SPG11: variants seen among roughly 807,000 people sequenced by gnomAD.
SPG11 encodes the protein SPG11 vesicle trafficking associated, spatacsin.
In SPG11, 222 loss-of-function variants were observed where a neutral mutation model predicts 274.0. That is an observed-to-expected ratio of 0.81 (90% confidence interval 0.73 to 0.91). The LOEUF is 0.91. Among genes scored for constraint, SPG11 ranks in the 40% least tolerant of loss-of-function variants. The pLI, the probability that SPG11 is intolerant of heterozygous loss-of-function variation, is 0.00. For missense variants in SPG11, 3,114 were observed against 2,872.7 expected (o/e 1.08, Z -1.92); for synonymous variants, 1,144 against 1,039.7 (o/e 1.10, Z -1.93).
rs960231699 is a variant in SPG11 at position 44,607,686 on chromosome 15, C to T, written c.3453+758G>A. 1.5e-4 allele frequency among the ~76,000 whole-genome samples: 23 copies of T among 152,104 alleles called. No homozygotes were observed. In the South Asian group the frequency reaches 2.5e-3, roughly 16 times the overall value. On this transcript the variant is annotated intron_variant, in intron 19 of 39. Transcript: ENST00000261866. ...ATGGGCAAAGGAAGGTGTTCTTAAC[C>T]GAGGATCCCTGAATAGGCTTCAGGA...
chr15:44,636,827 G>T (rs1194221477), intron 7 of SPG11, among the ~76,000 whole-genome samples: 3 of 149,522 alleles, frequency 2.0e-5, no homozygotes, highest in African/African-American at 7.4e-5. Context: ...TTGGGAGGCT[G>T]AGAGAGGAGA....
At position 44,585,807 on chromosome 15, in the gene SPG11, C is replaced by T. The variant is rs764587462; in HGVS notation, c.4950G>A (p.Lys1650=). Residue 1650 remains lysine, a synonymous_variant, in exon 29 of 40, where the codon AAG becomes AAA. Coordinates refer to ENST00000261866, the MANE Select transcript of SPG11 (RefSeq NM_025137.4). ...KKLCILCQIL[K]DTSIAINHTI... ...TATGATTAATGGCTATGGATGTATCCTTCAAAATCTGGCAAAGGATGCAAA... is the reference window on the plus strand; with the variant it reads ...TATGATTAATGGCTATGGATGTATCTTTCAAAATCTGGCAAAGGATGCAAA... The T allele has an allele frequency of 1.9e-6, 3 of 1,613,822 alleles. No individual in the cohort carries two copies. Among genetic ancestry groups the T allele is most frequent in the Non-Finnish European group, 2.5e-6 (3 of 1,179,956 alleles).
intron 1 of SPG11, 59 bp from the exon 2 acceptor site, chr15:44,660,675 TGG>T: frequency 6.6e-7 from 1 of 1,517,440 alleles, no homozygotes; most frequent in Non-Finnish European, 9.1e-7. Flanking sequence ...TTACCCACAA[TGG>T]TGGGGGTAGA....
In SPG11 at chr15:44,604,931, C is replaced by CAAAAAA. The variant is rs908048525; in HGVS notation, c.3520+1088_3520+1093dup. Among the ~76,000 whole-genome samples the CAAAAAA allele has an allele frequency of 1.7e-3, 38 of 22,492 alleles. 4 individuals are homozygous for CAAAAAA. The highest frequency in any genetic ancestry group is 7.0e-3 in the African/African-American group (36 of 5,130). 14.8% of individuals were successfully genotyped at this position (22,492 alleles called of 152,430 possible). Reference sequence around the variant, plus strand: ...CCTGGGCGGAACAAGACTCCATCTCCAAAAAAAAAAAAAAAAAAAAAAAAA... The same window carrying CAAAAAA: ...CCTGGGCGGAACAAGACTCCATCTCCAAAAAAAAAAAAAAAAAAAAAAAAAAAAAAA... On this transcript the variant is annotated intron_variant, in intron 20 of 39. Coordinates refer to ENST00000261866, the MANE Select transcript of SPG11 (RefSeq NM_025137.4).
At chr15:44,632,403 T>C (rs2084094547) in intron 8 of SPG11, among the ~76,000 whole-genome samples, 1 of 152,150 alleles carries the variant, frequency 6.6e-6, no homozygotes, top group African/African-American at 2.4e-5. Flanking sequence ...AGGAGAGAAT[T>C]TACATGGCTA....
In SPG11 at chr15:44,622,227, A is replaced by C. The variant is rs1478516370; in HGVS notation, c.2437T>G (p.Phe813Val). 1 of 1,612,572 alleles carries C rather than the reference A, an allele frequency of 6.2e-7. No individual in the cohort carries two copies. Among genetic ancestry groups the C allele is most frequent in the East Asian group, 2.2e-5 (1 of 44,770 alleles). Residue 813 changes from phenylalanine to valine, a missense_variant, in exon 13 of 40, where the codon TTT becomes GTT. By Grantham distance (50) the Phe-to-Val change is conservative. Coordinates refer to ENST00000261866, the MANE Select transcript of SPG11 (RefSeq NM_025137.4). ...GAGGACTAATGAGACTACCTGGGAAATGACTGGATTTGCATATTTTCTTGG... is the reference window on the plus strand; with the variant it reads ...GAGGACTAATGAGACTACCTGGGAACTGACTGGATTTGCATATTTTCTTGG... ...HFQENMQIQS[F>V]PRYWIKEQDF...
chr15:44,628,792 A>G lies in SPG11; in HGVS notation c.1944T>C (p.Asn648=). The G allele has an allele frequency of 6.2e-7, 1 of 1,613,750 alleles. No homozygotes were observed. Among genetic ancestry groups the G allele is most frequent in the Admixed American group, 1.7e-5 (1 of 60,016 alleles). Residue 648 remains asparagine, a synonymous_variant, in exon 10 of 40, where the codon AAT becomes AAC. Coordinates refer to ENST00000261866, the MANE Select transcript of SPG11 (RefSeq NM_025137.4). ...ACTTTATCATGAAGGTTCGAAGTTC[A>G]TTAATGTAGCTAGTCAAAATGTTCA... ...KGVNILTSYI[N]ELRTFMIKFP...
chr15:44,610,948 A>G lies in SPG11; in HGVS notation c.3183T>C (p.Ala1061=). The G allele has an allele frequency of 6.2e-7, 1 of 1,614,056 alleles. No individual in the cohort carries two copies. The highest frequency in any genetic ancestry group is 8.5e-7 in the Non-Finnish European group (1 of 1,179,996). Residue 1061 remains alanine, a synonymous_variant, in exon 18 of 40, where the codon GCT becomes GCC. Transcript: ENST00000261866. ...KLIFQASLAN[A]QILIPTNQAS... ...CCTGATTGGTGGGAATCAAAATCTG[A>G]GCATTTGCAAGGCTAGCCTGGAAGA... is the stretch of plus-strand genomic sequence containing the variant.
At chr15:44,652,052 AC>A in intron 5 of SPG11, 76 bp downstream of exon 5, 3 of 1,587,494 alleles carry the variant, frequency 1.9e-6, no homozygotes, top group Non-Finnish European at 2.6e-6. Flanking sequence ...TCAAATAAAG[AC>A]CTTTAATGAA....
Position 44,657,314 on chromosome 15 carries a change from A to T in SPG11, c.668-18T>A, listed in dbSNP as rs1422088766. On this transcript the variant is annotated intron_variant, in intron 3 of 39. Transcript: ENST00000261866. ...AAAAATGTCTTTTAGTTAGAGTTAA[A>T]AGAAAATGCCAGTTTTGTAAGTATG... 4 of 1,612,302 alleles carry T rather than the reference A, an allele frequency of 2.5e-6. No homozygotes were observed. Among genetic ancestry groups the T allele is most frequent in the Non-Finnish European group, 3.4e-6 (4 of 1,178,592 alleles).
chr15:44,619,834 T>C (rs2083691615), intron 15 of SPG11, among the ~76,000 whole-genome samples: 1 of 151,864 alleles, frequency 6.6e-6, no homozygotes, highest in African/African-American at 2.4e-5. Context: ...GCGATTCTCC[T>C]GCCTCAGCCT....
rs1271281447 is a variant in SPG11 at position 44,570,517 on chromosome 15, C to T, written c.6477+8G>A. The T allele has an allele frequency of 6.2e-7, 1 of 1,613,884 alleles. No homozygotes were observed. Among genetic ancestry groups the T allele is most frequent in the Non-Finnish European group, 8.5e-7 (1 of 1,179,970 alleles). ...AGGATGGAGACTGGGGTTGAGGGGG[C>T]TACTTACCACCAGCCCATACTCCTC... is the stretch of plus-strand genomic sequence containing the variant. On this transcript the variant is annotated splice_region_variant and intron_variant, in intron 34 of 39. Transcript: ENST00000261866.
chr15:44,624,167 C>A (rs777949207), intron 11 of SPG11, among the ~76,000 whole-genome samples: 4 of 149,184 alleles, frequency 2.7e-5, no homozygotes, highest in African/African-American at 7.4e-5. Context: ...TGTATATATA[C>A]AAAGGAATAT....
In SPG11 at chr15:44,614,262, A is replaced by G. The variant is rs183101611; in HGVS notation, c.3039-726T>C. Among the ~76,000 whole-genome samples, 665 of 152,146 alleles carry G rather than the reference A, an allele frequency of 4.4e-3. 19 individuals are homozygous for G. Among genetic ancestry groups the G allele is most frequent in the Non-Finnish European group, 1.6e-3 (111 of 67,970 alleles). On this transcript the variant is annotated intron_variant, in intron 16 of 39. Coordinates refer to ENST00000261866, the MANE Select transcript of SPG11 (RefSeq NM_025137.4). Reference sequence around the variant, plus strand: ...TTTTTTTGAGACCGGGTCTCACTGTATTGCCCAGGCTGGAGTGCAGTGGCG... The same window carrying G: ...TTTTTTTGAGACCGGGTCTCACTGTGTTGCCCAGGCTGGAGTGCAGTGGCG...
At chr15:44,636,529 G>C (rs558876676) in intron 7 of SPG11, among the ~76,000 whole-genome samples, 223 of 152,124 alleles carry the variant, frequency 1.5e-3, no homozygotes, top group Admixed American at 3.2e-3. Context: ...GGGCGTGGTG[G>C]CGGGCGCCTA....
At chr15:44,650,444 A>G (rs939769076) in intron 6 of SPG11, among the ~76,000 whole-genome samples, 1 of 152,072 alleles carries the variant, frequency 6.6e-6, no homozygotes, top group Non-Finnish European at 1.5e-5. Context: ...GTTTGAGGTC[A>G]GGCGTTTCAG....
rs770702010 is a variant in SPG11, at chr15:44,611,002, A to C, written c.3146-17T>G. 18 of 1,607,744 alleles carry C rather than the reference A, an allele frequency of 1.1e-5. 1 individual carries two copies. The South Asian group carries it at 2.0e-4, about 18-fold the overall frequency. ...GTTTGGGATCTGGAAAATAAAAGAC[A>C]GTGTTTTTCTCCTTAAGAGGGATAA... is the stretch of plus-strand genomic sequence containing the variant. On this transcript the variant is annotated splice_polypyrimidine_tract_variant and intron_variant, in intron 17 of 39. Transcript: ENST00000261866.
At chr15:44,579,577 C>T (rs1281794211) in intron 30 of SPG11, among the ~76,000 whole-genome samples, 2 of 145,388 alleles carry the variant, frequency 1.4e-5, no homozygotes, top group Admixed American at 6.9e-5. Context: ...TCAACTCACA[C>T]GAGAAAAGAT....
At chr15:44,569,625 T>C in intron 34 of SPG11, 120 bp from the exon 35 acceptor site, 2 of 770,142 alleles carry the variant, frequency 2.6e-6, no homozygotes, top group Non-Finnish European at 4.5e-6. Flanking sequence ...AGGGCTAATT[T>C]CCAGGCTACC....
Sources: gnomAD v4.1 joint callset for allele counts (sites outside exome capture counted in the v4.1 genomes callset) on GRCh38, gnomAD v4.1.1 for gene constraint, MANE v1.5 for transcripts, NCBI Gene and HGNC (gene_info 2026-07-23, HGNC 2026-07-21) for gene names.